The following POGK variants were observed in gnomAD, a reference collection of about 807,000 sequenced individuals.
The protein encoded by POGK is pogo transposable element derived with KRAB domain.
A neutral mutation model predicts 54.4 loss-of-function variants in POGK; 16 were observed. That is an observed-to-expected ratio of 0.29 (90% confidence interval 0.20 to 0.45). The LOEUF is 0.45. Among genes scored for constraint, POGK ranks in the 20% least tolerant of loss-of-function variants. The pLI, the probability that POGK is intolerant of heterozygous loss-of-function variation, is 1.00. For missense variants in POGK, 515 were observed against 795.6 expected (o/e 0.65, Z 4.24); for synonymous variants, 271 against 302.2 (o/e 0.90, Z 1.07).
At chr1:166,847,312 A>AC (rs1436027900) in intron 3 of POGK, among the ~76,000 whole-genome samples, 182 bp from the exon 4 acceptor site, 1 of 152,184 alleles carries the variant, frequency 6.6e-6, no homozygotes, top group African/African-American at 2.4e-5. Context: ...GGAGAGATCT[A>AC]CCCATTCCTT....
Position 166,849,723 on chromosome 1 carries a change from G to A in POGK, c.1144G>A (p.Gly382Ser). ...VPSRVTVDNQ[G>S]EKPVLVKTPG... The stretch of plus-strand genomic sequence containing the variant: ...ATCACGGGTAACTGTTGATAACCAG[G>A]GCGAAAAGCCTGTCTTGGTCAAGAC... Residue 382 changes from glycine to serine, a missense_variant, in exon 5 of 6, where the codon GGC (glycine) becomes AGC (serine). Physicochemically the swap from Gly to Ser is moderately conservative, Grantham distance 56. Transcript: ENST00000367876. 1 of 1,614,282 alleles carries A rather than the reference G, an allele frequency of 6.2e-7. No individual in the cohort carries two copies. The highest frequency in any genetic ancestry group is 8.5e-7 in the Non-Finnish European group (1 of 1,180,056).
chr1:166,843,328 A>G (rs907858641), intron 2 of POGK, among the ~76,000 whole-genome samples: 3 of 152,224 alleles, frequency 2.0e-5, no homozygotes, highest in Admixed American at 6.5e-5. Flanking sequence ...ATGCAGTGCT[A>G]CGCCAGCGAG....
chr1:166,848,015 A>G (rs887185751), intron 4 of POGK, among the ~76,000 whole-genome samples: 13 of 152,226 alleles, frequency 8.5e-5, no homozygotes, highest in African/African-American at 3.1e-4. Context: ...TAGCAATCAT[A>G]GCATACATTT....
At chr1:166,844,980 G>T (rs778293777) in intron 2 of POGK, among the ~76,000 whole-genome samples, 7 of 152,150 alleles carry the variant, frequency 4.6e-5, no homozygotes, top group Non-Finnish European at 1.0e-4. Flanking sequence ...TATGGGCCAA[G>T]GTGTGGGGGC....
intron 1 of POGK, 33 bp downstream of exon 1, chr1:166,839,637 C>G (rs1267556857): frequency 6.9e-6 from 1 of 144,008 alleles, no homozygotes; most frequent in Non-Finnish European, 1.5e-5. Flanking sequence ...GGCGGCGGCG[C>G]GGCCCCTCCC....
chr1:166,852,530 A>G (rs1658112059), intron 5 of POGK, 55 bp from the exon 6 acceptor site: 1 of 151,942 alleles, frequency 6.6e-6, no homozygotes, highest in Admixed American at 6.6e-5. Flanking sequence ...ATGTTTGTTA[A>G]AAGTTATACC....
intron 4 of POGK, 32 bp downstream of exon 4, chr1:166,847,624 C>G: frequency 6.6e-7 from 1 of 1,524,836 alleles, no homozygotes; most frequent in Non-Finnish European, 9.1e-7. Flanking sequence ...AGCGTCCATC[C>G]AGCTGGGAAC....
rs1280475176 is a variant in POGK, at chr1:166,846,644, T to C, written c.165T>C (p.Tyr55=). 1 of 1,614,116 alleles carries C rather than the reference T, an allele frequency of 6.2e-7. No individual in the cohort carries two copies. The highest frequency in any genetic ancestry group is 1.3e-5 in the African/African-American group (1 of 75,024). ...VPALFDEVAI[Y]FSDEEWEVLT... is the part of the protein sequence containing the mutation. ...CCCTATTTGATGAGGTGGCCATATATTTTTCCGATGAGGAATGGGAAGTTT... is the reference window on the plus strand; with the variant it reads ...CCCTATTTGATGAGGTGGCCATATACTTTTCCGATGAGGAATGGGAAGTTT... The change falls in exon 3 of 6, where the codon TAT becomes TAC. Residue 55 remains tyrosine, a synonymous_variant. Coordinates refer to ENST00000367876, the MANE Select transcript of POGK (RefSeq NM_017542.5).
Position 166,846,529 on chromosome 1 carries a change from G to A in POGK, c.133-83G>A. 2 of 1,554,402 alleles carry A rather than the reference G, an allele frequency of 1.3e-6. 1 individual carries two copies. The highest frequency in any genetic ancestry group is 3.5e-4 in the Middle Eastern group (2 of 5,794). The stretch of plus-strand genomic sequence containing the variant: ...CCTGTGAGAGGACAGGCTGTGCTGG[G>A]CTGTCTGTAAGGTCCTGTCCGCTCT... On this transcript the variant is annotated intron_variant, in intron 2 of 5. Transcript: ENST00000367876.
intron 5 of POGK, 46 bp downstream of exon 5, chr1:166,850,469 G>A: frequency 6.6e-7 from 1 of 1,525,488 alleles, no homozygotes; most frequent in Non-Finnish European, 8.7e-7. Flanking sequence ...TGACATGTCT[G>A]TGTTCTACAA....
Position 166,841,085 on chromosome 1 carries a change from A to G in POGK, c.129A>G (p.Gly43=). The G allele has an allele frequency of 6.2e-7, 1 of 1,613,568 alleles. No individual in the cohort carries two copies. The highest frequency in any genetic ancestry group is 8.5e-7 in the Non-Finnish European group (1 of 1,179,892). Residue 43 remains glycine, a synonymous_variant, in exon 2 of 6, where the codon GGA becomes GGG. Coordinates refer to ENST00000367876, the MANE Select transcript of POGK (RefSeq NM_017542.5). ...AAGTACGAATCTGCTCTGAGGGCGG[A>G]TGGGTAAGTAAGAAGGTGTGGAGTC... The part of the protein sequence containing the change: ...MQKVRICSEG[G]WVPALFDEVA...
rs1557905028 is a variant in POGK, at chr1:166,854,343, A to G, written c.*1773A>G. ...GACTTAATTATGATCTATGCCTAACAGAGCCCCAGTACAACTATTTTGCAG... is the reference window on the plus strand; with the variant it reads ...GACTTAATTATGATCTATGCCTAACGGAGCCCCAGTACAACTATTTTGCAG... On this transcript the variant is annotated 3_prime_UTR_variant, in exon 6 of 6. Coordinates refer to ENST00000367876, the MANE Select transcript of POGK (RefSeq NM_017542.5). 1 of 152,656 alleles carries G rather than the reference A, an allele frequency of 6.6e-6. No individual in the cohort carries two copies. The highest frequency in any genetic ancestry group is 1.5e-5 in the Non-Finnish European group (1 of 68,036). 9.5% of individuals were successfully genotyped at this position (152,656 alleles called of 1,614,324 possible). A position where few individuals can be genotyped will look rare whatever the true frequency, so the allele number is the denominator to read the frequency against.
rs1381249935 is a variant in POGK, at chr1:166,854,869, A to G, written c.*2299A>G. The G allele has an allele frequency of 6.6e-6, 1 of 151,464 alleles. No individual in the cohort carries two copies. Among genetic ancestry groups the G allele is most frequent in the Admixed American group, 6.5e-5 (1 of 15,268 alleles). The allele number at this position is 151,464 out of a possible 1,614,324, so 9.4% of individuals were successfully genotyped here. A position where few individuals can be genotyped will look rare whatever the true frequency, so the allele number is the denominator to read the frequency against. On this transcript the variant is annotated 3_prime_UTR_variant, in exon 6 of 6. Coordinates refer to ENST00000367876, the MANE Select transcript of POGK (RefSeq NM_017542.5). ...CCCATAAAGTAGTAGTTGATTCTCCAGGAATAATCTGGCAGTGTTATTTTT... is the reference window on the plus strand; with the variant it reads ...CCCATAAAGTAGTAGTTGATTCTCCGGGAATAATCTGGCAGTGTTATTTTT...
Position 166,847,570 on chromosome 1 carries a change from G to C in POGK, c.336G>C (p.Gln112His), listed in dbSNP as rs768060070. ...EEESQNSDEW[Q>H]LQGGTSAENE... ...AGTCTCAGAATTCTGACGAGTGGCA[G>C]CTCCAAGGAGGCACCTCTGCAGGTA... The change falls in exon 4 of 6, where the codon CAG (glutamine) becomes CAC (histidine). Residue 112 changes from glutamine (Q) to histidine (H), a missense_variant. Gln to His is a conservative substitution (Grantham distance 24). This residue lies in a region of POGK where 461 missense variants were observed against 743.5 expected (regional missense o/e 0.62). Coordinates refer to ENST00000367876, the MANE Select transcript of POGK (RefSeq NM_017542.5). 2 of 1,613,802 alleles carry C rather than the reference G, an allele frequency of 1.2e-6. No homozygotes were observed. The highest frequency in any genetic ancestry group is 3.3e-5 in the Admixed American group (2 of 60,016).
Position 166,854,078 on chromosome 1 carries a change from T to C in POGK, c.*1508T>C, listed in dbSNP as rs1013419913. ...TTACTGGCTCTTTCTTCATGTCTTA[T>C]TTCTCTTGCTTTGGGAGCTTAAAAG... On this transcript the variant is annotated 3_prime_UTR_variant, in exon 6 of 6. Transcript: ENST00000367876. 1 of 152,398 alleles carries C rather than the reference T, an allele frequency of 6.6e-6. No individual in the cohort carries two copies. The highest frequency in any genetic ancestry group is 6.5e-5 in the Admixed American group (1 of 15,284). The allele number at this position is 152,398 out of a possible 1,614,324, so 9.4% of individuals were successfully genotyped here.
chr1:166,839,699 C>CCGCCGCGGCTG (rs1657392780), intron 1 of POGK, 95 bp downstream of exon 1: 1 of 50,882 alleles, frequency 2.0e-5, no homozygotes, highest in Admixed American at 1.6e-4. Context: ...CGAGGCTGCG[C>CCGCCGCGGCTG]CGCCGCCGCC....
At position 166,847,603 on chromosome 1, in the gene POGK, T is replaced by C. The variant is rs757372797; in HGVS notation, c.358+11T>C. The C allele has an allele frequency of 6.2e-7, 1 of 1,601,784 alleles. No homozygotes were observed. Among genetic ancestry groups the C allele is most frequent in the Non-Finnish European group, 8.6e-7 (1 of 1,169,206 alleles). On this transcript the variant is annotated intron_variant, in intron 4 of 5. Transcript: ENST00000367876. ...GAGGCACCTCTGCAGGTACTACAAG[T>C]AAAGCAGTTCAGCGTCCATCCAGCT...
intron 1 of POGK, among the ~76,000 whole-genome samples, chr1:166,840,711 C>G (rs1026231858): frequency 3.3e-5 from 5 of 152,240 alleles, no homozygotes; most frequent in Non-Finnish European, 5.9e-5. Context: ...TCTGGGTTCT[C>G]TTCCCCAGAT....
chr1:166,847,469 T>C, intron 3 of POGK, 25 bp from the exon 4 acceptor site: 1 of 1,577,420 alleles, frequency 6.3e-7, no homozygotes, highest in Non-Finnish European at 8.7e-7. Context: ...ACACAGCTGT[T>C]ACCTATTTTA....
Sources: allele counts gnomAD v4.1 joint callset (sites outside exome capture counted in the v4.1 genomes callset), GRCh38; gene constraint gnomAD v4.1.1; regional missense constraint gnomAD v4.1.1; transcripts MANE v1.5; gene names NCBI Gene and HGNC (gene_info 2026-07-23, HGNC 2026-07-21).